SSBP4: variants seen among roughly 807,000 people sequenced by gnomAD.
SSBP4 encodes the protein single stranded DNA binding protein 4, also known as single-stranded DNA-binding protein 4.
A neutral mutation model predicts 64.6 loss-of-function variants in SSBP4; 33 were observed. The ratio of observed to expected loss-of-function variants is 0.51; its 90% CI spans 0.39 to 0.68. The LOEUF is 0.68. Among genes scored for constraint, SSBP4 ranks in the 30% least tolerant of loss-of-function variants. SSBP4 has a pLI of 0.00. For synonymous variants in SSBP4, 243 were observed against 224.0 expected, an observed-to-expected ratio of 1.08 and a Z score of -0.76; for missense variants, 583 against 566.8, an observed-to-expected ratio of 1.03 and a Z score of -0.29.
intron 1 of SSBP4, chr19:18,420,221 C>T (rs1037004661): frequency 6.6e-6 from 1 of 152,194 alleles, no homozygotes; most frequent in Admixed American, 6.5e-5. Flanking sequence ...GCGCCGCCAC[C>T]TGTCTGCCCT....
At chr19:18,429,348 C>G (rs1035468226) in intron 4 of SSBP4, among the ~76,000 whole-genome samples, 1 of 152,054 alleles carries the variant, frequency 6.6e-6, no homozygotes, top group African/African-American at 2.4e-5. Context: ...GCGGGCCGGG[C>G]CGGCTCCTCT....
upstream of SSBP4, among the ~76,000 whole-genome samples, chr19:18,414,387 G>T (rs1392314891): frequency 6.6e-6 from 1 of 152,080 alleles, no homozygotes; most frequent in Non-Finnish European, 1.5e-5. Flanking sequence ...AGCTACTTGG[G>T]AAGCTGAGGT....
the SSBP4 span, among the ~76,000 whole-genome samples, chr19:18,412,077 A>G: frequency 6.6e-6 from 1 of 151,984 alleles, no homozygotes; most frequent in African/African-American, 2.4e-5. Context: ...AGCTGCGAGG[A>G]TCGCTTGAGC....
At chr19:18,404,996 C>T in the SSBP4 span, among the ~76,000 whole-genome samples, 38 of 149,834 alleles carry the variant, frequency 2.5e-4, no homozygotes, top group Admixed American at 2.7e-4. Flanking sequence ...CCCCCCCCCC[C>T]GCGAAAGAAA....
rs1973688092 is a variant in SSBP4 at position 18,433,594 on chromosome 19, A to G, written c.1001A>G (p.Asp334Gly). The G allele has an allele frequency of 4.0e-6, 6 of 1,517,032 alleles. No homozygotes were observed. The highest frequency in any genetic ancestry group is 1.5e-5 in the African/African-American group (1 of 68,710). The allele number at this position is 1,517,032 out of a possible 1,614,324, so 94.0% of individuals were successfully genotyped here. A position where few individuals can be genotyped will look rare whatever the true frequency, so the allele number is the denominator to read the frequency against. Residue 334 changes from aspartate to glycine, a missense_variant, in exon 16 of 18, where the codon GAC becomes GGC. Physicochemically the swap from Asp to Gly is moderately conservative, Grantham distance 94. Around this residue, in one of 5 missense-constraint regions of SSBP4, gnomAD observed 444 missense variants for 386.6 expected, o/e 1.15. Transcript: ENST00000270061. Reference sequence around the variant, plus strand: ...CTGTCCGTGTCTGTAGGCTCGGGCGACATGGACGGGTTGCCGAAGGTAAGG... The same window carrying G: ...CTGTCCGTGTCTGTAGGCTCGGGCGGCATGGACGGGTTGCCGAAGGTAAGG... ...HHVNGSLGSGDMDGLPKSSPG... is the reference protein window; with the variant it reads ...HHVNGSLGSGGMDGLPKSSPG...
At chr19:18,414,039 A>G (rs1050879861), upstream of SSBP4, among the ~76,000 whole-genome samples, 8 of 152,126 alleles carry the variant, frequency 5.3e-5, no homozygotes, top group Non-Finnish European at 8.8e-5. Flanking sequence ...AAACAAAAAA[A>G]ACGGCATTCC....
At position 18,423,535 on chromosome 19, in the gene SSBP4, G is replaced by A. The variant is rs115868785; in HGVS notation, c.60-3816G>A. Among the ~76,000 whole-genome samples the A allele has an allele frequency of 5.3e-3, 806 of 152,294 alleles. 7 individuals are homozygous for A. The highest frequency in any genetic ancestry group is 0.018 in the African/African-American group (735 of 41,540). On this transcript the variant is annotated intron_variant, in intron 1 of 17. Coordinates refer to ENST00000270061, the MANE Select transcript of SSBP4 (RefSeq NM_032627.5). The surrounding 1 kb of genome is among the most constrained non-coding windows in gnomAD (Gnocchi z 4.0). ...AAGCCATGAGTGGCAGGTGTCTCCT[G>A]CCCCAGCAGCATCTGTGTCTAGGAA...
rs911927204 is a variant in SSBP4 at position 18,431,589 on chromosome 19, G to A, written c.436-58G>A. Reference sequence around the variant, plus strand: ...GGGGGCCCCAGCATAGCAGGAATGGGGTAGCTTTGGGGACCAGAGGGTGGG... The same window carrying A: ...GGGGGCCCCAGCATAGCAGGAATGGAGTAGCTTTGGGGACCAGAGGGTGGG... On this transcript the variant is annotated intron_variant, in intron 6 of 17. Coordinates refer to ENST00000270061, the MANE Select transcript of SSBP4 (RefSeq NM_032627.5). The A allele has an allele frequency of 2.6e-6, 4 of 1,512,804 alleles. No individual in the cohort carries two copies. The African/African-American group carries it at 4.2e-5, about 16-fold the overall frequency. 93.7% of individuals were successfully genotyped at this position (1,512,804 alleles called of 1,614,324 possible). A position where few individuals can be genotyped will look rare whatever the true frequency, so the allele number is the denominator to read the frequency against.
chr19:18,424,850 C>A (rs931326768), intron 1 of SSBP4, among the ~76,000 whole-genome samples: 1 of 141,976 alleles, frequency 7.0e-6, no homozygotes, highest in Non-Finnish European at 1.5e-5. Flanking sequence ...GCCAAGCTGA[C>A]AGTCTCTGAG....
rs937766593 is a variant in SSBP4 at position 18,426,480 on chromosome 19, C to T, written c.60-871C>T. 3.9e-5 allele frequency among the ~76,000 whole-genome samples: 6 copies of T among 152,192 alleles called. No homozygotes were observed. The highest frequency in any genetic ancestry group is 1.9e-4 in the East Asian group (1 of 5,196). On this transcript the variant is annotated intron_variant, in intron 1 of 17. Coordinates refer to ENST00000270061, the MANE Select transcript of SSBP4 (RefSeq NM_032627.5). The surrounding 1 kb of genome is among the most constrained non-coding windows in gnomAD (Gnocchi z 4.5). ...CCAGGGAGGTCCAGAAGGGCTGGTG[C>T]CACAGGACTGGGCGACCCTTTGGAT...
chr19:18,409,618 CAG>C, the SSBP4 span, among the ~76,000 whole-genome samples: 2 of 152,066 alleles, frequency 1.3e-5, no homozygotes, highest in Non-Finnish European at 2.9e-5. Context: ...TGTTTTGAAA[CAG>C]AGTCTTGCTC....
At chr19:18,432,122 C>T (rs750413501) in intron 9 of SSBP4, 25 bp from the exon 10 acceptor site, 1 of 1,611,250 alleles carries the variant, frequency 6.2e-7, no homozygotes, top group Admixed American at 1.7e-5. Context: ...CCGGTCTACC[C>T]CTCACAGCCC....
At chr19:18,433,508 G>T (rs1200644815) in intron 15 of SSBP4, 77 bp from the exon 16 acceptor site, 18 of 1,533,026 alleles carry the variant, frequency 1.2e-5, no homozygotes, top group Non-Finnish European at 1.4e-5. Context: ...AGCTTGCGAG[G>T]GTCGTTGGCC....
intron 15 of SSBP4, 35 bp from the exon 16 acceptor site, chr19:18,433,550 T>A (rs375570396): frequency 6.1e-5 from 94 of 1,545,774 alleles, no homozygotes; most frequent in Admixed American, 2.0e-5. Context: ...CGCCAGCACG[T>A]CTGAGCCGGT....
intron 15 of SSBP4, 128 bp from the exon 16 acceptor site, chr19:18,433,457 T>C: frequency 6.8e-7 from 1 of 1,475,976 alleles, no homozygotes; most frequent in South Asian, 1.2e-5. Context: ...GTCCCGGGGT[T>C]CCTGGCGGGC....
intron 4 of SSBP4, among the ~76,000 whole-genome samples, chr19:18,428,526 C>G (rs1259759057): frequency 6.6e-6 from 1 of 152,168 alleles, no homozygotes; most frequent in Non-Finnish European, 1.5e-5. Flanking sequence ...GTGGAGGCTG[C>G]CTGGCTAACA....
chr19:18,402,873 C>A, the SSBP4 span, among the ~76,000 whole-genome samples: 1 of 152,162 alleles, frequency 6.6e-6, no homozygotes, highest in Admixed American at 6.6e-5. Flanking sequence ...ATCGTCCCCC[C>A]AGCCCGACAC....
chr19:18,410,029 T>C, the SSBP4 span, among the ~76,000 whole-genome samples: 1 of 152,242 alleles, frequency 6.6e-6, no homozygotes, highest in Non-Finnish European at 1.5e-5. Context: ...AGTCTCGCTC[T>C]GTCGCCCAAG....
In SSBP4 at chr19:18,428,683, G is replaced by A. The variant is rs534496464; in HGVS notation, c.279+701G>A. ...TGGGCGTCTGGGGGGCGCCAGTCCC[G>A]CCCACCCCCTACCCCCTGTGCGCCA... On this transcript the variant is annotated intron_variant, in intron 4 of 17. Transcript: ENST00000270061. Among the ~76,000 whole-genome samples, 518 of 151,268 alleles carry A rather than the reference G, an allele frequency of 3.4e-3. 3 individuals are homozygous for A. Among genetic ancestry groups the A allele is most frequent in the African/African-American group, 0.012 (492 of 41,404 alleles).
Sources: allele counts gnomAD v4.1 joint callset (sites outside exome capture counted in the v4.1 genomes callset), GRCh38; gene constraint gnomAD v4.1.1; regional missense constraint gnomAD v4.1.1; non-coding constraint Gnocchi (gnomAD v3.1); transcripts MANE v1.5; gene names NCBI Gene and HGNC (gene_info 2026-07-23, HGNC 2026-07-21).